Variants in WDHD1 observed in about 807,000 individuals in gnomAD.
WDHD1 encodes WD repeat and HMG-box DNA-binding protein 1.
WDHD1 carries 111 observed loss-of-function variants against 135.4 expected under a neutral mutation model. That is an observed-to-expected ratio of 0.82 (90% CI 0.70 to 0.96). The LOEUF is 0.96. WDHD1 is among the 40% of genes least tolerant of loss of function. The pLI is 0.00. For missense variants in WDHD1, 1,351 were observed against 1,336.3 expected, an observed-to-expected ratio of 1.01 and a Z score of -0.17; for synonymous variants, 434 against 439.0, an observed-to-expected ratio of 0.99 and a Z score of 0.14.
At position 55,004,749 on chromosome 14, in the gene WDHD1, G is replaced by A. The variant is rs534644023; in HGVS notation, c.600+2531C>T. Reference sequence around the variant, plus strand: ...ATTATGGGCGTGAGCCAGCGAGCCCGACCCAATGTTTATTTTTCATCAACC... The same window carrying A: ...ATTATGGGCGTGAGCCAGCGAGCCCAACCCAATGTTTATTTTTCATCAACC... On this transcript the variant is annotated intron_variant, in intron 7 of 25. Coordinates refer to ENST00000360586, the MANE Select transcript of WDHD1 (RefSeq NM_007086.4). The A allele has an allele frequency of 2.1e-4, 78 of 378,258 alleles. No homozygotes were observed. In the Middle Eastern group the frequency reaches 2.9e-3, roughly 14 times the overall value. The allele number at this position is 378,258 out of a possible 1,614,324, so 23.4% of individuals were successfully genotyped here. A position where few individuals can be genotyped will look rare whatever the true frequency, so the allele number is the denominator to read the frequency against.
chr14:55,016,769 G>A (rs558076881), intron 2 of WDHD1, among the ~76,000 whole-genome samples: 5 of 152,270 alleles, frequency 3.3e-5, no homozygotes, highest in South Asian at 4.1e-4. Flanking sequence ...ATTGGACAGC[G>A]CAGCATTAAA....
chr14:54,968,787 T>A (rs1324302890), intron 16 of WDHD1, among the ~76,000 whole-genome samples: 4 of 152,106 alleles, frequency 2.6e-5, no homozygotes, highest in Admixed American at 2.6e-4. Context: ...ACACCTGTAA[T>A]CCCAATACTT....
chr14:54,996,405 C>T (rs992312591), intron 10 of WDHD1, among the ~76,000 whole-genome samples: 7 of 152,066 alleles, frequency 4.6e-5, no homozygotes, highest in African/African-American at 1.7e-4. Flanking sequence ...CTCAGGAGTT[C>T]GAGACCAGCC....
At chr14:54,974,504 T>G (rs919339797) in intron 16 of WDHD1, among the ~76,000 whole-genome samples, 15 of 150,876 alleles carry the variant, frequency 9.9e-5, no homozygotes, top group African/African-American at 3.4e-4. Flanking sequence ...TTTTTTTTTT[T>G]TTTGTTATAT....
Position 54,959,577 on chromosome 14 carries a change from A to C in WDHD1, c.2702-1942T>G, listed in dbSNP as rs552264756. On this transcript the variant is annotated intron_variant, in intron 21 of 25. Coordinates refer to ENST00000360586, the MANE Select transcript of WDHD1 (RefSeq NM_007086.4). ...CAGGAGTTCCAGACCAGCTTCGGCA[A>C]CAAAGCAAGCTCCTCTCTCTACAAA... Among the ~76,000 whole-genome samples, 30 of 152,314 alleles carry C rather than the reference A, an allele frequency of 2.0e-4. No homozygotes were observed. In the South Asian group the frequency reaches 6.2e-3, roughly 32 times the overall value.
intron 15 of WDHD1, among the ~76,000 whole-genome samples, chr14:54,982,612 A>G (rs1226589137): frequency 6.6e-6 from 1 of 152,090 alleles, no homozygotes; most frequent in African/African-American, 2.4e-5. Flanking sequence ...CTGTGGCTTC[A>G]CACCCCCCTC....
intron 15 of WDHD1, among the ~76,000 whole-genome samples, chr14:54,983,332 A>T (rs1471475639): frequency 6.6e-6 from 1 of 152,128 alleles, no homozygotes; most frequent in East Asian, 1.9e-4. Flanking sequence ...CACATTAAAA[A>T]AAAAATGGCT....
At chr14:54,965,529 T>C (rs937717879) in intron 18 of WDHD1, among the ~76,000 whole-genome samples, 1 of 152,128 alleles carries the variant, frequency 6.6e-6, no homozygotes, top group African/African-American at 2.4e-5. Context: ...TGTAAAATAA[T>C]AACAGAAACT....
intron 10 of WDHD1, among the ~76,000 whole-genome samples, chr14:54,998,444 T>A (rs1382824176): frequency 1.3e-5 from 2 of 152,244 alleles, no homozygotes; most frequent in South Asian, 4.2e-4. Context: ...TTTTTTTTCT[T>A]AATTCACTTT....
intron 16 of WDHD1, among the ~76,000 whole-genome samples, chr14:54,967,773 A>C (rs1437864495): frequency 6.6e-6 from 1 of 152,088 alleles, no homozygotes; most frequent in Non-Finnish European, 1.5e-5. Flanking sequence ...GATATATGCC[A>C]CCATGCCTGG....
chr14:55,016,106 A>G (rs2042258483), intron 2 of WDHD1, among the ~76,000 whole-genome samples: 1 of 152,258 alleles, frequency 6.6e-6, no homozygotes, highest in Admixed American at 6.5e-5. Flanking sequence ...TAGTAGAATT[A>G]ATAAGAAATA....
rs114641135 is a variant in WDHD1, at chr14:55,018,086, T to A, written c.78-4490A>T. ...TACTTTCTCCCTCTGCTTGGAGTGA[T>A]TGGGTTTTTAAAATCTTTAAGCCTT... On this transcript the variant is annotated intron_variant, in intron 2 of 25. Transcript: ENST00000360586. Among the ~76,000 whole-genome samples, 976 of 152,252 alleles carry A rather than the reference T, an allele frequency of 6.4e-3. 12 individuals carry two copies. The highest frequency in any genetic ancestry group is 0.022 in the African/African-American group (911 of 41,552).
chr14:55,019,714 CA>C (rs2140232047), intron 2 of WDHD1, among the ~76,000 whole-genome samples: 2 of 152,214 alleles, frequency 1.3e-5, no homozygotes, highest in African/African-American at 4.8e-5. Context: ...ACTAAAAATA[CA>C]AAAATTAGCC....
intron 24 of WDHD1, among the ~76,000 whole-genome samples, chr14:54,948,054 A>C (rs1487838810): frequency 6.6e-6 from 1 of 151,944 alleles, no homozygotes; most frequent in Non-Finnish European, 1.5e-5. Context: ...CGTCTCTACT[A>C]AAGATACAAA....
chr14:55,026,691 T>C lies in WDHD1; in HGVS notation c.77+20A>G. The stretch of plus-strand genomic sequence containing the variant: ...GTTTTAACATTTGCACCTAAAACGT[T>C]GTTTCTCAAAGAACCTTACCTCCCA... On this transcript the variant is annotated intron_variant, in intron 2 of 25. Coordinates refer to ENST00000360586, the MANE Select transcript of WDHD1 (RefSeq NM_007086.4). 1.2e-6 allele frequency: 2 copies of C among 1,613,446 alleles called. No homozygotes were observed. Among genetic ancestry groups the C allele is most frequent in the Non-Finnish European group, 1.7e-6 (2 of 1,179,328 alleles).
intron 10 of WDHD1, 40 bp downstream of exon 10, chr14:55,000,463 A>T (rs774752625): frequency 6.5e-7 from 1 of 1,530,408 alleles, no homozygotes; most frequent in South Asian, 1.3e-5. Flanking sequence ...ATGATCACAG[A>T]AACATTTTGA....
intron 11 of WDHD1, among the ~76,000 whole-genome samples, chr14:54,992,415 A>G (rs903326738): frequency 4.6e-5 from 7 of 152,150 alleles, no homozygotes; most frequent in Non-Finnish European, 8.8e-5. Flanking sequence ...ACTTGTACCC[A>G]GAGGGCAGAG....
chr14:55,003,523 G>A (rs925106827), intron 7 of WDHD1, among the ~76,000 whole-genome samples: 2 of 148,764 alleles, frequency 1.3e-5, no homozygotes, highest in East Asian at 2.0e-4. Context: ...TCAAAAAAAA[G>A]GAAAGAAAAA....
intron 13 of WDHD1, 65 bp from the exon 14 acceptor site, chr14:54,987,452 A>ATATATAT: frequency 7.7e-5 from 105 of 1,358,236 alleles, no homozygotes; most frequent in Middle Eastern, 2.3e-4. Flanking sequence ...ATATATATAT[A>ATATATAT]AGCAATCATG....
Sources: allele counts gnomAD v4.1 joint callset (sites outside exome capture counted in the v4.1 genomes callset), GRCh38; gene constraint gnomAD v4.1.1; transcripts MANE v1.5; gene names NCBI Gene and HGNC (gene_info 2026-07-23, HGNC 2026-07-21).